PTH1R: variants seen among roughly 807,000 people sequenced by gnomAD.
The protein encoded by PTH1R is parathyroid hormone/parathyroid hormone-related peptide receptor.
In PTH1R, 32 loss-of-function variants were observed where a neutral mutation model predicts 70.7. The ratio of observed to expected loss-of-function variants is 0.45; its 90% confidence interval spans 0.34 to 0.61. PTH1R has a LOEUF of 0.61. Ranked by LOEUF, PTH1R falls within the 20% of genes least tolerant of loss-of-function variation. PTH1R has a pLI of 0.01. For synonymous variants in PTH1R, 329 were observed against 324.8 expected (o/e 1.01, Z -0.14); for missense variants, 626 against 792.5 (o/e 0.79, Z 2.52).
chr3:46,881,421 G>T (rs1044673407), intron 2 of PTH1R, among the ~76,000 whole-genome samples: 1 of 152,200 alleles, frequency 6.6e-6, no homozygotes, highest in Non-Finnish European at 1.5e-5. Context: ...GTCCGAGCCG[G>T]CCGATAGCTT....
Position 46,903,524 on chromosome 3 carries a change from C to T in PTH1R, c.1650C>T (p.Thr550=), listed in dbSNP as rs757212164. The part of the protein sequence containing the change: ...PGTPALETLE[T]TPPAMAAPKD... ...CCCCAGCCCTGGAGACCCTCGAGAC[C>T]ACACCACCTGCCATGGCTGCTCCCA... Residue 550 remains threonine, a synonymous_variant, in exon 16 of 16, where the codon ACC becomes ACT. Transcript: ENST00000449590. The surrounding 1 kb of genome is among the most constrained non-coding windows in gnomAD (Gnocchi z 4.4). 1 of 1,613,920 alleles carries T rather than the reference C, an allele frequency of 6.2e-7. No homozygotes were observed. The highest frequency in any genetic ancestry group is 8.5e-7 in the Non-Finnish European group (1 of 1,180,012).
chr3:46,898,009 C>G (rs1461133715), intron 6 of PTH1R, 44 bp downstream of exon 6: 1 of 1,613,242 alleles, frequency 6.2e-7, no homozygotes, highest in Non-Finnish European at 8.5e-7. Flanking sequence ...GAGGCTGAGA[C>G]TTGGAGCTAG....
chr3:46,884,939 AG>A lies in PTH1R; in HGVS notation c.75+1306del, dbSNP rs1269554786. On this transcript the variant is annotated intron_variant, in intron 3 of 15. Transcript: ENST00000449590. This position sits in a 1 kb window ranked among gnomAD's most constrained non-coding sequence, Gnocchi z 4.8. ...CCTACACCCTCACAATTCTGGCCCC[AG>A]CAAAGGCTCCCCACCAAAGACAGCC... Among the ~76,000 whole-genome samples the A allele has an allele frequency of 6.6e-6, 1 of 152,130 alleles. No individual in the cohort carries two copies. The highest frequency in any genetic ancestry group is 1.5e-5 in the Non-Finnish European group (1 of 68,018).
In PTH1R at chr3:46,896,085, T is replaced by TGAA. The variant is rs2031734421; in HGVS notation, c.313+216_313+217insGAA. 2.6e-5 allele frequency among the ~76,000 whole-genome samples: 4 copies of TGAA among 151,696 alleles called. No individual in the cohort carries two copies. The South Asian group carries it at 8.3e-4, about 32-fold the overall frequency. On this transcript the variant is annotated intron_variant, in intron 5 of 15. Transcript: ENST00000449590. This position sits in a 1 kb window ranked among gnomAD's most constrained non-coding sequence, Gnocchi z 4.1. ...CCTCAGAAAGAGATGAACAGAGAAC[T>TGAA]CTCCAGCACCACACCAAGAGTGGAC...
At position 46,898,714 on chromosome 3, in the gene PTH1R, A is replaced by G. The variant is rs1353904110; in HGVS notation, c.691A>G (p.Met231Val). The change falls in exon 9 of 16, where the codon ATG becomes GTG. Residue 231 changes from methionine to valine, a missense_variant. This residue lies in a region of PTH1R where 495 missense variants were observed against 638.7 expected (regional missense o/e 0.77). Coordinates refer to ENST00000449590, the MANE Select transcript of PTH1R (RefSeq NM_000316.3). ...YIHMHLFLSF[M>V]LRAVSIFVKD... ...CCACATGCACCTGTTCCTGTCCTTC[A>G]TGCTGCGCGCCGTGAGCATCTTCGT... 5.6e-6 allele frequency: 9 copies of G among 1,611,680 alleles called. No homozygotes were observed. The highest frequency in any genetic ancestry group is 3.3e-5 in the Admixed American group (2 of 59,988).
intron 5 of PTH1R, among the ~76,000 whole-genome samples, chr3:46,897,065 C>G (rs1334946101): frequency 6.6e-6 from 1 of 152,212 alleles, no homozygotes; most frequent in Admixed American, 6.5e-5. Flanking sequence ...AGACCTCCTG[C>G]CTCCTGTCCA....
chr3:46,893,919 G>A lies in PTH1R; in HGVS notation c.88G>A (p.Asp30Asn). The change falls in exon 4 of 16, where the codon GAC becomes AAC. Residue 30 changes from aspartate to asparagine, a missense_variant. Asp to Asn is a conservative substitution (Grantham distance 23). Coordinates refer to ENST00000449590, the MANE Select transcript of PTH1R (RefSeq NM_000316.3). The surrounding 1 kb of genome is among the most constrained non-coding windows in gnomAD (Gnocchi z 5.2). ...TTCGGCTTGGCAGGTGGATGCAGAT[G>A]ACGTCATGACTAAAGAGGAACAGAT... The part of the protein sequence containing the change: ...SSAYALVDAD[D>N]VMTKEEQIFL... 3 of 1,614,082 alleles carry A rather than the reference G, an allele frequency of 1.9e-6. No homozygotes were observed. Among genetic ancestry groups the A allele is most frequent in the Non-Finnish European group, 2.5e-6 (3 of 1,180,012 alleles).
intron 3 of PTH1R, among the ~76,000 whole-genome samples, chr3:46,889,585 G>C (rs578141939): frequency 6.6e-6 from 1 of 152,292 alleles, no homozygotes; most frequent in African/African-American, 2.4e-5. Context: ...GAAGGTGCAG[G>C]AGGCATGGGT....
rs2031401338 is a variant in PTH1R at position 46,891,271 on chromosome 3, G to A, written c.76-2636G>A. On this transcript the variant is annotated intron_variant, in intron 3 of 15. Transcript: ENST00000449590. The surrounding 1 kb of genome is among the most constrained non-coding windows in gnomAD (Gnocchi z 4.3). ...GGGTGTGCCTCCTCCTGGCCATGGA[G>A]AAGGTGAAGCCAACAGCTGGAGGTA... Among the ~76,000 whole-genome samples the A allele has an allele frequency of 6.6e-6, 1 of 152,228 alleles. No homozygotes were observed. The highest frequency in any genetic ancestry group is 1.5e-5 in the Non-Finnish European group (1 of 68,034).
At chr3:46,878,908 C>A (rs1420718592) in intron 1 of PTH1R, among the ~76,000 whole-genome samples, 1 of 152,176 alleles carries the variant, frequency 6.6e-6, no homozygotes, top group East Asian at 1.9e-4. Flanking sequence ...CTACTCCCCA[C>A]CCCCAGCCAG....
In PTH1R at chr3:46,897,696, C is replaced by A. The variant is rs2385863; in HGVS notation, c.314-159C>A. On this transcript the variant is annotated intron_variant, in intron 5 of 15. Coordinates refer to ENST00000449590, the MANE Select transcript of PTH1R (RefSeq NM_000316.3). ...CAGTGAGCTGAGATCACGCCATTGC[C>A]CTCCAGCCTGAGCAACAAAAGCGAA... Among the ~76,000 whole-genome samples the A allele has an allele frequency of 0.12, 18,765 of 152,100 alleles. 3,938 individuals carry two copies. The highest frequency in any genetic ancestry group is 0.43 in the African/African-American group (17,652 of 41,446).
At chr3:46,889,089 G>A (rs1017967909) in intron 3 of PTH1R, among the ~76,000 whole-genome samples, 2 of 152,244 alleles carry the variant, frequency 1.3e-5, no homozygotes, top group African/African-American at 4.8e-5. Flanking sequence ...ACATCCAGGG[G>A]TGCCAGCATG....
At chr3:46,894,952 T>C (rs911365923) in intron 4 of PTH1R, among the ~76,000 whole-genome samples, 3 of 151,148 alleles carry the variant, frequency 2.0e-5, no homozygotes, top group African/African-American at 7.3e-5. Context: ...TAGTCCCAGC[T>C]ATAGGGGAGG....
rs1453003959 is a variant in PTH1R, at chr3:46,884,376, G to C, written c.75+742G>C. 1.3e-5 allele frequency among the ~76,000 whole-genome samples: 2 copies of C among 152,116 alleles called. No individual in the cohort carries two copies. Among genetic ancestry groups the C allele is most frequent in the African/African-American group, 4.8e-5 (2 of 41,382 alleles). On this transcript the variant is annotated intron_variant, in intron 3 of 15. Transcript: ENST00000449590. The surrounding 1 kb of genome is among the most constrained non-coding windows in gnomAD (Gnocchi z 4.8). ...CAGAGACAAAGCCGGGTGGGGAGGA[G>C]AGATCCCCCCAGCTGGAGGGGTGGA...
chr3:46,892,684 T>G lies in PTH1R; in HGVS notation c.76-1223T>G. ...TGCCCGCCCCATGCCCGACCCGCCT[T>G]CTTCCTCCCCTGCCTCCTCTGGGTC... On this transcript the variant is annotated intron_variant, in intron 3 of 15. Coordinates refer to ENST00000449590, the MANE Select transcript of PTH1R (RefSeq NM_000316.3). The surrounding 1 kb of genome is among the most constrained non-coding windows in gnomAD (Gnocchi z 5.2). 1.0e-6 allele frequency: 1 copy of G among 978,222 alleles called. No individual in the cohort carries two copies. The allele number at this position is 978,222 out of a possible 1,614,324, so 60.6% of individuals were successfully genotyped here.
chr3:46,883,388 C>G lies in PTH1R; in HGVS notation c.-48-124C>G, dbSNP rs886086563. On this transcript the variant is annotated intron_variant, in intron 2 of 15. Coordinates refer to ENST00000449590, the MANE Select transcript of PTH1R (RefSeq NM_000316.3). The surrounding 1 kb of genome is among the most constrained non-coding windows in gnomAD (Gnocchi z 6.4). ...TCGCTCGCTCGCTCGCTCGCTCGCC[C>G]TCAGCGCATGGGCCCCGCGCCGGGC... 39 of 334,158 alleles carry G rather than the reference C, an allele frequency of 1.2e-4. No individual in the cohort carries two copies. Among genetic ancestry groups the G allele is most frequent in the Non-Finnish European group, 1.8e-4 (35 of 190,650 alleles). The allele number at this position is 334,158 out of a possible 1,614,324, so 20.7% of individuals were successfully genotyped here.
chr3:46,885,545 C>T (rs768571881), intron 3 of PTH1R, among the ~76,000 whole-genome samples: 1 of 151,888 alleles, frequency 6.6e-6, no homozygotes, highest in African/African-American at 2.4e-5. Context: ...GTATGGGTAC[C>T]CAGAGCCCCA....
At position 46,898,827 on chromosome 3, in the gene PTH1R, C is replaced by T. The variant is rs1344829356; in HGVS notation, c.804C>T (p.Pro268=). 1.9e-6 allele frequency: 3 copies of T among 1,562,774 alleles called. No individual in the cohort carries two copies. The African/African-American group carries it at 4.1e-5, about 21-fold the overall frequency. Residue 268 remains proline, a synonymous_variant, in exon 9 of 16, where the codon CCC becomes CCT. Transcript: ENST00000449590. ...AGCTGCGCGCCATCGCCCAGGCGCC[C>T]CCGCCGCCTGCCACCGCCGCTGCCG... ...EEELRAIAQA[P]PPPATAAAGY...
rs772240074 is a variant in PTH1R at position 46,902,881 on chromosome 3, T to G, written c.1395+91T>G. 5.2e-6 allele frequency: 8 copies of G among 1,544,386 alleles called. No homozygotes were observed. Among genetic ancestry groups the G allele is most frequent in the Non-Finnish European group, 7.1e-6 (8 of 1,122,344 alleles). The stretch of plus-strand genomic sequence containing the variant: ...TCATTTCTCCATTCTTCCACCCTGT[T>G]ATTTCTTTGTTCCTCCAAGAACACC... On this transcript the variant is annotated intron_variant, in intron 15 of 15. Coordinates refer to ENST00000449590, the MANE Select transcript of PTH1R (RefSeq NM_000316.3). This position sits in a 1 kb window ranked among gnomAD's most constrained non-coding sequence, Gnocchi z 5.4.
Sources: gnomAD v4.1 joint callset for allele counts (sites outside exome capture counted in the v4.1 genomes callset) on GRCh38, gnomAD v4.1.1 for gene constraint, gnomAD v4.1.1 regional missense constraint, Gnocchi (gnomAD v3.1) non-coding constraint, MANE v1.5 for transcripts, NCBI Gene and HGNC (gene_info 2026-07-23, HGNC 2026-07-21) for gene names.